The following CLINT1 variants were observed in gnomAD, a reference collection of about 807,000 sequenced individuals.
CLINT1 encodes the protein clathrin interacting protein localized in the trans-Golgi region.
CLINT1 carries 15 observed loss-of-function variants against 70.4 expected under a neutral mutation model. The observed-to-expected ratio is 0.21, with a 90% CI of 0.14 to 0.33. The LOEUF is 0.33. CLINT1 is among the 10% of genes least tolerant of loss of function. The pLI is 1.00. For synonymous variants in CLINT1, 227 were observed against 254.7 expected (o/e 0.89, Z 1.04); for missense variants, 615 against 778.1 (o/e 0.79, Z 2.49).
chr5:157,807,741 T>C (rs907127322), intron 6 of CLINT1, among the ~76,000 whole-genome samples: 2 of 151,632 alleles, frequency 1.3e-5, no homozygotes, highest in Non-Finnish European at 2.9e-5. Context: ...ATAAAAATCA[T>C]GGGAGAAACA....
Position 157,811,406 on chromosome 5 carries a change from G to A in CLINT1, c.518-1601C>T, listed in dbSNP as rs1377830969. On this transcript the variant is annotated intron_variant, in intron 5 of 11. Transcript: ENST00000411809. ...AAATTGGCGAGGCATGGTGGCTCAC[G>A]CCTGTGGTCCCAGCTTCTTGGGAGG... is the stretch of plus-strand genomic sequence containing the variant. 3.9e-5 allele frequency among the ~76,000 whole-genome samples: 6 copies of A among 152,054 alleles called. No homozygotes were observed. In the East Asian group the frequency reaches 5.8e-4, roughly 15 times the overall value.
intron 1 of CLINT1, among the ~76,000 whole-genome samples, chr5:157,824,226 T>C (rs943611806): frequency 3.3e-5 from 5 of 152,254 alleles, no homozygotes; most frequent in African/African-American, 1.2e-4. Flanking sequence ...ATTCATTTTT[T>C]ATCAGGGGAT....
chr5:157,839,112 C>T (rs1196585403), intron 1 of CLINT1, among the ~76,000 whole-genome samples: 1 of 151,974 alleles, frequency 6.6e-6, no homozygotes. Flanking sequence ...GCCTGTAGTC[C>T]CAGGTACTAG....
rs1753861009 is a variant in CLINT1 at position 157,859,089 on chromosome 5, C to T, written c.-119G>A. 9.4e-7 allele frequency: 1 copy of T among 1,066,398 alleles called. No homozygotes were observed. Among genetic ancestry groups the T allele is most frequent in the Non-Finnish European group, 1.3e-6 (1 of 741,242 alleles). The allele number at this position is 1,066,398 out of a possible 1,614,324, so 66.1% of individuals were successfully genotyped here. On this transcript the variant is annotated 5_prime_UTR_variant, in exon 1 of 12. Coordinates refer to ENST00000411809, the MANE Select transcript of CLINT1 (RefSeq NM_014666.4). ...CCGCCGCCCGCCGCCTCGAACTCCC[C>T]CAGTCAGCTCCTTCCTTTGCCACAG...
chr5:157,826,805 T>C (rs1268019458), intron 1 of CLINT1, among the ~76,000 whole-genome samples: 2 of 152,178 alleles, frequency 1.3e-5, no homozygotes, highest in Non-Finnish European at 2.9e-5. Flanking sequence ...ATTTGATGAG[T>C]AGCTGACATT....
chr5:157,820,108 C>CA (rs1207002212), intron 1 of CLINT1, among the ~76,000 whole-genome samples: 1 of 151,912 alleles, frequency 6.6e-6, no homozygotes, highest in East Asian at 1.9e-4. Flanking sequence ...AAACATAAAA[C>CA]AAAAAAATAA....
At chr5:157,833,751 G>T (rs932414362) in intron 1 of CLINT1, among the ~76,000 whole-genome samples, 3 of 152,090 alleles carry the variant, frequency 2.0e-5, no homozygotes, top group African/African-American at 7.2e-5. Flanking sequence ...ACCAGCCTGG[G>T]CAACATGGTG....
At chr5:157,791,146 C>A (rs962786370) in intron 10 of CLINT1, among the ~76,000 whole-genome samples, 3 of 152,136 alleles carry the variant, frequency 2.0e-5, no homozygotes, top group African/African-American at 7.2e-5. Flanking sequence ...GCAAGCTCCA[C>A]CTCCTGGGTT....
At chr5:157,798,649 T>A (rs1421001597) in intron 8 of CLINT1, among the ~76,000 whole-genome samples, 1 of 152,074 alleles carries the variant, frequency 6.6e-6, no homozygotes, top group Non-Finnish European at 1.5e-5. Flanking sequence ...TCAATAAGGA[T>A]GAATACTCCT....
Position 157,830,792 on chromosome 5 carries a change from C to CTATATA in CLINT1, c.42-13246_42-13245insTATATA, listed in dbSNP as rs1401102671. 1.5e-3 allele frequency among the ~76,000 whole-genome samples: 178 copies of CTATATA among 116,428 alleles called. 1 individual carries two copies. The highest frequency in any genetic ancestry group is 5.4e-3 in the African/African-American group (152 of 28,304). The allele number at this position is 116,428 out of a possible 152,430, so 76.4% of individuals were successfully genotyped here. Reference sequence around the variant, plus strand: ...TCTCTCTCTCTCTCTCTCTCTCTCTCTCTCTATATATATATATATATATAG... The same window carrying CTATATA: ...TCTCTCTCTCTCTCTCTCTCTCTCTCTATATATCTCTATATATATATATATATATAG... On this transcript the variant is annotated intron_variant, in intron 1 of 11. Transcript: ENST00000411809.
chr5:157,796,282 T>C (rs961260596), intron 8 of CLINT1: 1 of 152,256 alleles, frequency 6.6e-6, no homozygotes, highest in Non-Finnish European at 1.5e-5. Context: ...CATTACATTC[T>C]GACATAAAAT....
chr5:157,823,246 T>C (rs1328187596), intron 1 of CLINT1, among the ~76,000 whole-genome samples: 5 of 152,194 alleles, frequency 3.3e-5, no homozygotes, highest in Admixed American at 2.6e-4. Flanking sequence ...AGCAACAGTT[T>C]TAAATAATGT....
In CLINT1 at chr5:157,806,103, A is replaced by T. The variant is rs1762376069; in HGVS notation, c.705T>A (p.Asp235Glu). Residue 235 changes from aspartate to glutamate, a missense_variant, in exon 7 of 12, where the codon GAT becomes GAA. Asp to Glu is a conservative substitution (Grantham distance 45). This residue lies in a region of CLINT1 where 241 missense variants were observed against 368.6 expected (regional missense o/e 0.65). Coordinates refer to ENST00000411809, the MANE Select transcript of CLINT1 (RefSeq NM_014666.4). The part of the protein sequence containing the change: ...EDSPERCSDS[D>E]EEKKARRGRS... The stretch of plus-strand genomic sequence containing the variant: ...TGCCTCTTCTCGCTTTCTTTTCCTC[A>T]TCGCTGTCGCTAAAAGATATTAAAA... 1 of 1,613,582 alleles carries T rather than the reference A, an allele frequency of 6.2e-7. No homozygotes were observed. Among genetic ancestry groups the T allele is most frequent in the Admixed American group, 1.7e-5 (1 of 59,940 alleles).
Position 157,819,079 on chromosome 5 carries a change from T to A in CLINT1, c.42-1532A>T, listed in dbSNP as rs558962728. On this transcript the variant is annotated intron_variant, in intron 1 of 11. Transcript: ENST00000411809. ...CTTCTATTTTTAAAATAAGGAAGGT[T>A]TGGTTGAAATTGGCACTCAAATCTC... is the stretch of plus-strand genomic sequence containing the variant. Among the ~76,000 whole-genome samples the A allele has an allele frequency of 9.8e-5, 15 of 152,302 alleles. No homozygotes were observed. In the East Asian group the frequency reaches 2.3e-3, roughly 23 times the overall value.
At chr5:157,838,481 C>A (rs1162914077) in intron 1 of CLINT1, among the ~76,000 whole-genome samples, 1 of 152,160 alleles carries the variant, frequency 6.6e-6, no homozygotes, top group Non-Finnish European at 1.5e-5. Context: ...GTAAAGCCAG[C>A]CTAAGTACAT....
At chr5:157,811,499 C>T (rs1245944781) in intron 5 of CLINT1, among the ~76,000 whole-genome samples, 2 of 148,958 alleles carry the variant, frequency 1.3e-5, no homozygotes, top group African/African-American at 5.0e-5. Flanking sequence ...TAACACTGCA[C>T]TCCAGCCTGG....
chr5:157,836,490 A>T (rs544204587), intron 1 of CLINT1, among the ~76,000 whole-genome samples: 2 of 152,320 alleles, frequency 1.3e-5, no homozygotes, highest in East Asian at 1.9e-4. Flanking sequence ...TATCCAACTC[A>T]GCACCAAGAG....
At chr5:157,856,724 A>G (rs959052406) in intron 1 of CLINT1, among the ~76,000 whole-genome samples, 2 of 152,192 alleles carry the variant, frequency 1.3e-5, no homozygotes, top group African/African-American at 2.4e-5. Context: ...TCTAATCTTA[A>G]TATGTGTCAG....
intron 5 of CLINT1, among the ~76,000 whole-genome samples, chr5:157,811,950 G>C (rs1762574991): frequency 6.6e-6 from 1 of 151,900 alleles, no homozygotes; most frequent in African/African-American, 2.4e-5. Flanking sequence ...TGCTTTAGGA[G>C]AAATATTTTT....
Sources: allele counts gnomAD v4.1 joint callset (sites outside exome capture counted in the v4.1 genomes callset), GRCh38; gene constraint gnomAD v4.1.1; regional missense constraint gnomAD v4.1.1; transcripts MANE v1.5; gene names NCBI Gene and HGNC (gene_info 2026-07-23, HGNC 2026-07-21).